NRXN3: variants seen among roughly 807,000 people sequenced by gnomAD.
NRXN3 encodes neurexin III.
Under a neutral mutation model 137.6 loss-of-function variants are expected in NRXN3, and 32 were observed. The observed-to-expected ratio is 0.23, with a 90% CI of 0.18 to 0.31. The LOEUF (loss-of-function observed/expected upper bound fraction) is 0.31, where lower values mean the gene tolerates loss of function less well. Among genes scored for constraint, NRXN3 ranks in the 10% least tolerant of loss-of-function variants. The probability of loss-of-function intolerance (pLI) is 1.00; values close to 1 mark genes in which losing one functional copy is unlikely to be tolerated. For synonymous variants in NRXN3, 798 were observed against 784.5 expected (o/e 1.02, Z -0.29); for missense variants, 1,574 against 2,062.5 (o/e 0.76, Z 4.59).
rs113294626 is a variant in NRXN3 at position 79,132,438 on chromosome 14, A to G, written c.3262+144297A>G. On this transcript the variant is annotated intron_variant, in intron 15 of 20. Transcript: ENST00000335750. ...AAATAGGATGTAAAATAGCACATTT[A>G]CAATTTTAAATTTTGATCACATTTT... Among the ~76,000 whole-genome samples the G allele has an allele frequency of 5.3e-5, 8 of 152,374 alleles. 1 individual carries two copies. The highest frequency in any genetic ancestry group is 1.9e-4 in the African/African-American group (8 of 41,590).
chr14:79,499,893 G>A (rs1462723144), intron 16 of NRXN3, among the ~76,000 whole-genome samples: 1 of 151,514 alleles, frequency 6.6e-6, no homozygotes, highest in Non-Finnish European at 1.5e-5. Context: ...CATCAGACAT[G>A]TAGTGAGGAC....
chr14:78,372,499 G>T (rs79592990), intron 4 of NRXN3, among the ~76,000 whole-genome samples: 1 of 151,864 alleles, frequency 6.6e-6, no homozygotes, highest in Non-Finnish European at 1.5e-5. Flanking sequence ...TAATTTTTTT[G>T]TATTTTTAGT....
chr14:78,968,167 T>C lies in NRXN3; in HGVS notation c.2969-6T>C. ...ATTCTCTTTTGCTAATTACTTTCCTTTCCAGGTGATCTCTATATGGCTGGT... is the reference window on the plus strand; with the variant it reads ...ATTCTCTTTTGCTAATTACTTTCCTCTCCAGGTGATCTCTATATGGCTGGT... On this transcript the variant is annotated splice_region_variant and splice_polypyrimidine_tract_variant and intron_variant, in intron 13 of 20. Coordinates refer to ENST00000335750, the MANE Select transcript of NRXN3 (RefSeq NM_001330195.2). 6.4e-7 allele frequency: 1 copy of C among 1,572,416 alleles called. No homozygotes were observed. Among genetic ancestry groups the C allele is most frequent in the Non-Finnish European group, 8.7e-7 (1 of 1,152,270 alleles).
intron 10 of NRXN3, among the ~76,000 whole-genome samples, chr14:78,925,365 G>A (rs75809270): frequency 0.029 from 4,367 of 152,214 alleles, 93 homozygotes; most frequent in South Asian, 0.084. Context: ...ACTGATATAC[G>A]AAGAAAATAA....
chr14:78,899,727 T>A (rs1233705388), intron 10 of NRXN3, among the ~76,000 whole-genome samples: 1 of 152,060 alleles, frequency 6.6e-6, no homozygotes. Flanking sequence ...TTCTGCTCAG[T>A]ACAAACATTT....
At chr14:79,347,224 A>G (rs903228361) in intron 15 of NRXN3, among the ~76,000 whole-genome samples, 60 of 151,418 alleles carry the variant, frequency 4.0e-4, no homozygotes, top group African/African-American at 1.4e-3. Context: ...ATTTTCTGAG[A>G]GAAGGTTTTT....
At chr14:79,027,188 T>A (rs1188449438) in intron 15 of NRXN3, among the ~76,000 whole-genome samples, 2 of 151,682 alleles carry the variant, frequency 1.3e-5, no homozygotes, top group Non-Finnish European at 2.9e-5. Flanking sequence ...TATATTCTTT[T>A]TTTTTCTTTT....
chr14:79,145,481 G>C (rs2059221512), intron 15 of NRXN3, among the ~76,000 whole-genome samples: 1 of 152,078 alleles, frequency 6.6e-6, no homozygotes, highest in African/African-American at 2.4e-5. Context: ...TGTTATAAAT[G>C]TTGGGATCCT....
At chr14:78,726,105 A>G (rs773226105) in intron 8 of NRXN3, among the ~76,000 whole-genome samples, 1 of 152,126 alleles carries the variant, frequency 6.6e-6, no homozygotes, top group Non-Finnish European at 1.5e-5. Context: ...CAGCCATTCC[A>G]TTTTTGGATA....
At chr14:78,408,336 A>T (rs1041913146) in intron 4 of NRXN3, among the ~76,000 whole-genome samples, 2 of 152,196 alleles carry the variant, frequency 1.3e-5, no homozygotes, top group African/African-American at 4.8e-5. Flanking sequence ...TTATTTGCTC[A>T]ACTGAATTAC....
chr14:78,699,053 A>G (rs1472476275), intron 6 of NRXN3, among the ~76,000 whole-genome samples: 4 of 152,000 alleles, frequency 2.6e-5, no homozygotes, highest in Non-Finnish European at 5.9e-5. Flanking sequence ...GCATTGAGAG[A>G]TACAGAGAGA....
At chr14:79,412,732 G>A (rs1350367588) in intron 15 of NRXN3, among the ~76,000 whole-genome samples, 3 of 125,336 alleles carry the variant, frequency 2.4e-5, no homozygotes, top group East Asian at 2.5e-4. Flanking sequence ...GTAATGAGCC[G>A]AGATCACACC....
intron 15 of NRXN3, among the ~76,000 whole-genome samples, chr14:78,995,802 A>G (rs1026180189): frequency 9.9e-5 from 15 of 152,246 alleles, no homozygotes; most frequent in African/African-American, 3.1e-4. Flanking sequence ...ATGACAAAAG[A>G]CTATTTGAAG....
intron 15 of NRXN3, among the ~76,000 whole-genome samples, chr14:79,167,936 GTTTT>G: frequency 7.5e-6 from 1 of 133,902 alleles, no homozygotes; most frequent in Admixed American, 7.6e-5. Context: ...TTCTTTCCTT[GTTTT>G]TTTTTTTTTT....
intron 15 of NRXN3, among the ~76,000 whole-genome samples, chr14:79,362,438 A>G (rs1404430512): frequency 6.6e-6 from 1 of 152,166 alleles, no homozygotes; most frequent in Non-Finnish European, 1.5e-5. Flanking sequence ...TAATCTCAAT[A>G]AACAAATAAC....
At chr14:79,229,319 A>G (rs2071686113) in intron 15 of NRXN3, among the ~76,000 whole-genome samples, 1 of 152,172 alleles carries the variant, frequency 6.6e-6, no homozygotes, top group East Asian at 1.9e-4. Flanking sequence ...CCAAGTTGAA[A>G]CATCTATTCT....
At chr14:78,849,681 T>G (rs537106475) in intron 10 of NRXN3, among the ~76,000 whole-genome samples, 15 of 152,148 alleles carry the variant, frequency 9.9e-5, no homozygotes, top group Admixed American at 9.2e-4. Flanking sequence ...AAGCTGTTTC[T>G]CTCTATCTCG....
In NRXN3 at chr14:78,917,721, C is replaced by T. The variant is rs154377; in HGVS notation, c.2276-39521C>T. ...CTGTCCTTTGTGCACAGGTGATAGA[C>T]AAAACTGGGGGAATGAGGAGTTGAA... is the stretch of plus-strand genomic sequence containing the variant. On this transcript the variant is annotated intron_variant, in intron 10 of 20. Coordinates refer to ENST00000335750, the MANE Select transcript of NRXN3 (RefSeq NM_001330195.2). Among the ~76,000 whole-genome samples, 1,353 of 151,994 alleles carry T rather than the reference C, an allele frequency of 8.9e-3. 15 individuals carry two copies. Among genetic ancestry groups the T allele is most frequent in the African/African-American group, 0.031 (1,301 of 41,442 alleles).
chr14:78,540,698 G>A (rs2096581699), intron 4 of NRXN3, among the ~76,000 whole-genome samples: 1 of 152,134 alleles, frequency 6.6e-6, no homozygotes, highest in Non-Finnish European at 1.5e-5. Context: ...AATTGATGCA[G>A]TTTCTTCATA....
Sources: allele counts gnomAD v4.1 joint callset (sites outside exome capture counted in the v4.1 genomes callset), GRCh38; gene constraint gnomAD v4.1.1; transcripts MANE v1.5; gene names NCBI Gene and HGNC (gene_info 2026-07-23, HGNC 2026-07-21).